The following ESRRG variants were observed in gnomAD, a reference collection of about 807,000 sequenced individuals.
The protein encoded by ESRRG is estrogen related receptor gamma.
In ESRRG, 13 loss-of-function variants were observed where a neutral mutation model predicts 44.0. The observed-to-expected ratio is 0.30, with a 90% CI of 0.19 to 0.47. ESRRG has a LOEUF of 0.47. Among genes scored for constraint, ESRRG ranks in the 20% least tolerant of loss-of-function variants. The pLI, the probability that ESRRG is intolerant of heterozygous loss-of-function variation, is 1.00. For missense variants in ESRRG, 395 were observed against 580.6 expected, an observed-to-expected ratio of 0.68 and a Z score of 3.29; for synonymous variants, 215 against 214.6, an observed-to-expected ratio of 1.00 and a Z score of -0.02.
chr1:216,670,865 C>T (rs1466743402), intron 2 of ESRRG, among the ~76,000 whole-genome samples: 1 of 152,108 alleles, frequency 6.6e-6, no homozygotes, highest in African/African-American at 2.4e-5. Context: ...TGCACTGCCT[C>T]TCACTGACAG....
chr1:217,076,539 A>G (rs188224917), intron 1 of ESRRG, among the ~76,000 whole-genome samples: 1 of 152,316 alleles, frequency 6.6e-6, no homozygotes, highest in Admixed American at 6.5e-5. Context: ...AACTCAGAAA[A>G]TATCTGGGTA....
At chr1:216,634,701 C>T (rs1168257927) in intron 3 of ESRRG, among the ~76,000 whole-genome samples, 1 of 152,176 alleles carries the variant, frequency 6.6e-6, no homozygotes, top group African/African-American at 2.4e-5. Flanking sequence ...GTCTCCACCT[C>T]ACTGATGCAA....
At chr1:216,716,732 C>T (rs573065560) in intron 1 of ESRRG, among the ~76,000 whole-genome samples, 37 of 151,918 alleles carry the variant, frequency 2.4e-4, no homozygotes, top group African/African-American at 8.9e-4. Context: ...GAAGTAGGCT[C>T]CCTGTAAGTT....
chr1:216,770,117 G>A (rs1175335438), intron 2 of ESRRG, among the ~76,000 whole-genome samples: 1 of 151,620 alleles, frequency 6.6e-6, no homozygotes. Context: ...GAAGGAAGGA[G>A]AAGAAATGAG....
intron 2 of ESRRG, among the ~76,000 whole-genome samples, chr1:216,778,316 T>C (rs1455849858): frequency 5.3e-5 from 8 of 152,004 alleles, no homozygotes; most frequent in Non-Finnish European, 1.2e-4. Context: ...AGAGAGCTGG[T>C]CCTTTGTACC....
intron 3 of ESRRG, among the ~76,000 whole-genome samples, chr1:216,585,128 G>C (rs1558650058): frequency 6.6e-6 from 1 of 151,962 alleles, no homozygotes; most frequent in Admixed American, 6.6e-5. Context: ...TAGTAGAAAG[G>C]TTAAAAAAAA....
chr1:216,747,694 T>C (rs879694000), intron 2 of ESRRG, among the ~76,000 whole-genome samples: 2 of 152,210 alleles, frequency 1.3e-5, no homozygotes, highest in Non-Finnish European at 2.9e-5. Context: ...TTGTGGACTT[T>C]GAGCGAAACG....
At chr1:216,533,296 T>G (rs1404739404) in intron 5 of ESRRG, among the ~76,000 whole-genome samples, 3 of 139,730 alleles carry the variant, frequency 2.1e-5, no homozygotes, top group Non-Finnish European at 4.4e-5. Context: ...ATATATTAGA[T>G]GTGACATGCT....
At chr1:216,727,450 G>C (rs1325518297), upstream of ESRRG, among the ~76,000 whole-genome samples, 1 of 152,074 alleles carries the variant, frequency 6.6e-6, no homozygotes, top group Admixed American at 6.5e-5. Context: ...GTGGCCATGG[G>C]TAGGTTGCCT....
intron 2 of ESRRG, among the ~76,000 whole-genome samples, chr1:216,923,390 A>T (rs1271246945): frequency 1.3e-5 from 2 of 152,248 alleles, no homozygotes; most frequent in Non-Finnish European, 2.9e-5. Context: ...CTGAATATGG[A>T]AACAAAACAA....
chr1:216,987,688 A>G (rs749373179), intron 1 of ESRRG, among the ~76,000 whole-genome samples: 2 of 152,198 alleles, frequency 1.3e-5, no homozygotes, highest in African/African-American at 2.4e-5. Flanking sequence ...AGGAGTTGCC[A>G]GTGCCCCACT....
At chr1:216,557,022 A>C (rs1248126823) in intron 5 of ESRRG, among the ~76,000 whole-genome samples, 1 of 152,264 alleles carries the variant, frequency 6.6e-6, no homozygotes, top group Non-Finnish European at 1.5e-5. Context: ...ATAACTTTCA[A>C]TCAGATTAAT....
At chr1:216,674,800 G>T (rs1041237889) in intron 2 of ESRRG, among the ~76,000 whole-genome samples, 1 of 151,810 alleles carries the variant, frequency 6.6e-6, no homozygotes, top group Non-Finnish European at 1.5e-5. Context: ...TATAGAGACA[G>T]GGTTCTCACT....
chr1:216,822,889 T>C (rs959831582), intron 2 of ESRRG, among the ~76,000 whole-genome samples: 10 of 152,242 alleles, frequency 6.6e-5, no homozygotes, highest in Admixed American at 6.5e-4. Context: ...AGATTCCACA[T>C]AGAAGACACT....
intron 3 of ESRRG, among the ~76,000 whole-genome samples, chr1:216,643,038 C>G (rs2066767584): frequency 6.6e-6 from 1 of 152,146 alleles, no homozygotes. Context: ...GTAAGTTGCT[C>G]TTTGCTACTC....
Position 216,926,855 on chromosome 1 carries a change from GGAATGCTGAATGCT to G in ESRRG, c.-14+12713_-14+12726del, listed in dbSNP as rs545822967. On this transcript the variant is annotated intron_variant, in intron 2 of 7. Coordinates refer to the ESRRG transcript ENST00000359162. ...CAAATGAGTAGCCAGAGCGCCGGGT[GGAATGCTGAATGCT>G]GAATGCTGAATGCTGAATGCAGCAT... Among the ~76,000 whole-genome samples the G allele has an allele frequency of 3.9e-5, 6 of 152,198 alleles. No homozygotes were observed. In the South Asian group the frequency reaches 1.0e-3, roughly 26 times the overall value.
intron 2 of ESRRG, among the ~76,000 whole-genome samples, chr1:216,787,599 CAAAAAAAA>C (rs34433548): frequency 8.6e-4 from 66 of 76,448 alleles, no homozygotes; most frequent in African/African-American, 2.8e-3. Context: ...AAGACTCCAT[CAAAAAAAA>C]AAAAAAAAAA....
At chr1:216,636,732 G>A (rs1276954424) in intron 3 of ESRRG, among the ~76,000 whole-genome samples, 1 of 152,174 alleles carries the variant, frequency 6.6e-6, no homozygotes, top group Non-Finnish European at 1.5e-5. Context: ...TTTCAAAGAG[G>A]CCAGTTCCTG....
At chr1:216,772,019 G>A (rs2093405290) in intron 2 of ESRRG, among the ~76,000 whole-genome samples, 1 of 151,872 alleles carries the variant, frequency 6.6e-6, no homozygotes, top group African/African-American at 2.4e-5. Context: ...GATGGCATCA[G>A]CATAAACTGA....
Sources: allele counts gnomAD v4.1 joint callset (sites outside exome capture counted in the v4.1 genomes callset), GRCh38; gene constraint gnomAD v4.1.1; transcripts MANE v1.5; gene names NCBI Gene and HGNC (gene_info 2026-07-23, HGNC 2026-07-21).